The following TAF3 variants were observed in gnomAD, a reference collection of about 807,000 sequenced individuals.
TAF3 encodes transcription initiation factor TFIID subunit 3.
Under a neutral mutation model 80.6 loss-of-function variants are expected in TAF3, and 7 were observed. The ratio of observed to expected loss-of-function variants is 0.09; its 90% CI spans 0.05 to 0.16. The LOEUF (loss-of-function observed/expected upper bound fraction) is 0.16. Ranked by LOEUF, TAF3 falls within the 10% of genes least tolerant of loss-of-function variation. The probability of loss-of-function intolerance (pLI) is 1.00; values close to 1 mark genes in which losing one functional copy is unlikely to be tolerated. For missense variants in TAF3, 921 were observed against 1,140.2 expected, an observed-to-expected ratio of 0.81 and a Z score of 2.77; for synonymous variants, 444 against 446.1, an observed-to-expected ratio of 1.00 and a Z score of 0.06.
intron 2 of TAF3, among the ~76,000 whole-genome samples, chr10:7,935,686 G>A (rs1377674486): frequency 6.6e-6 from 1 of 152,202 alleles, no homozygotes; most frequent in Admixed American, 6.5e-5. Context: ...GCTCTGATAA[G>A]TGAGAATTAA....
At chr10:7,994,479 C>T (rs1831865165) in intron 4 of TAF3, among the ~76,000 whole-genome samples, 1 of 152,042 alleles carries the variant, frequency 6.6e-6, no homozygotes, top group Non-Finnish European at 1.5e-5. Flanking sequence ...ATACTGTTTC[C>T]AGTTCAGATT....
chr10:7,821,268 T>C (rs1387190041), intron 1 of TAF3, among the ~76,000 whole-genome samples: 1 of 152,190 alleles, frequency 6.6e-6, no homozygotes, highest in Admixed American at 6.5e-5. Context: ...TATTTTTAGA[T>C]TCTTTTTTCT....
intron 2 of TAF3, among the ~76,000 whole-genome samples, chr10:7,850,102 C>A (rs930582955): frequency 1.3e-5 from 2 of 152,186 alleles, no homozygotes; most frequent in African/African-American, 4.8e-5. Flanking sequence ...CCTGATAAGT[C>A]CTCTCTGTCT....
At chr10:7,860,869 G>A (rs1003930578) in intron 2 of TAF3, among the ~76,000 whole-genome samples, 36 of 148,014 alleles carry the variant, frequency 2.4e-4, no homozygotes, top group Non-Finnish European at 4.6e-4. Flanking sequence ...GTGTGATCTC[G>A]GGTCGCTGCA....
chr10:7,905,345 A>G (rs1837598147), intron 2 of TAF3, among the ~76,000 whole-genome samples: 1 of 152,180 alleles, frequency 6.6e-6, no homozygotes, highest in Admixed American at 6.5e-5. Context: ...TTGACATTAG[A>G]GTTTTTCTTA....
intron 2 of TAF3, among the ~76,000 whole-genome samples, chr10:7,960,075 C>T (rs1484770544): frequency 6.6e-6 from 1 of 152,202 alleles, no homozygotes; most frequent in Non-Finnish European, 1.5e-5. Flanking sequence ...ACTCTAAAGA[C>T]CCGTTATCCT....
At chr10:7,980,411 A>G (rs1831715681) in intron 4 of TAF3, among the ~76,000 whole-genome samples, 1 of 152,212 alleles carries the variant, frequency 6.6e-6, no homozygotes, top group South Asian at 2.1e-4. Flanking sequence ...TTGAAGCAAG[A>G]CAGGAATAAC....
At chr10:7,818,912 C>T (rs1328940284) in intron 1 of TAF3, 37 bp downstream of exon 1, 12 of 1,371,244 alleles carry the variant, frequency 8.8e-6, no homozygotes, top group African/African-American at 1.5e-5. Context: ...GCTGCCCCGG[C>T]AAGTCAAGGG....
At chr10:7,931,392 A>G (rs1370353110) in intron 2 of TAF3, among the ~76,000 whole-genome samples, 2 of 152,186 alleles carry the variant, frequency 1.3e-5, no homozygotes, top group Admixed American at 1.3e-4. Context: ...GAAATTCATT[A>G]TGACAGAGTC....
chr10:7,864,546 T>G (rs1277325194), intron 2 of TAF3, among the ~76,000 whole-genome samples: 3 of 152,240 alleles, frequency 2.0e-5, no homozygotes, highest in Non-Finnish European at 2.9e-5. Flanking sequence ...TCCTCCTATC[T>G]AAGCGTAATA....
chr10:7,934,969 A>G (rs1416730612), intron 2 of TAF3, among the ~76,000 whole-genome samples: 1 of 152,140 alleles, frequency 6.6e-6, no homozygotes, highest in Non-Finnish European at 1.5e-5. Flanking sequence ...ACATAAAACA[A>G]TAAATATTAA....
chr10:7,956,274 G>C (rs1460838059), intron 2 of TAF3, among the ~76,000 whole-genome samples: 2 of 152,120 alleles, frequency 1.3e-5, no homozygotes, highest in East Asian at 1.9e-4. Flanking sequence ...CAGATCACGA[G>C]GTCAGGAGTT....
chr10:7,882,780 C>G (rs186053558), intron 2 of TAF3, among the ~76,000 whole-genome samples: 6 of 152,120 alleles, frequency 3.9e-5, no homozygotes, highest in African/African-American at 1.4e-4. Context: ...TACACCTGGG[C>G]TTTATTTTTT....
chr10:7,965,450 T>C lies in TAF3; in HGVS notation c.1940T>C (p.Met647Thr). The C allele has an allele frequency of 6.2e-7, 1 of 1,613,502 alleles. No individual in the cohort carries two copies. Among genetic ancestry groups the C allele is most frequent in the Non-Finnish European group, 8.5e-7 (1 of 1,179,900 alleles). The change falls in exon 3 of 7, where the codon ATG (methionine) becomes ACG (threonine). Residue 647 changes from methionine (M) to threonine (T), a missense_variant. Around this residue, in one of 6 missense-constraint regions of TAF3, gnomAD observed 743 missense variants for 821.0 expected, o/e 0.90. Coordinates refer to ENST00000344293, the MANE Select transcript of TAF3 (RefSeq NM_031923.4). ...AAAGATAAAGGCAGAGAAGATAAGA[T>C]GAAAGCCCCAGCACCCCCACTGGTG... is the stretch of plus-strand genomic sequence containing the variant. ...KVKDKGREDKMKAPAPPLVLP... is the reference protein window; with the variant it reads ...KVKDKGREDKTKAPAPPLVLP...
At chr10:7,930,139 C>CA (rs539221744) in intron 2 of TAF3, among the ~76,000 whole-genome samples, 7 of 152,274 alleles carry the variant, frequency 4.6e-5, no homozygotes, top group Admixed American at 4.6e-4. Flanking sequence ...GTCAAGACTG[C>CA]AGTGAACCGT....
At chr10:7,963,038 T>C (rs1472513314) in intron 2 of TAF3, among the ~76,000 whole-genome samples, 1 of 152,214 alleles carries the variant, frequency 6.6e-6, no homozygotes, top group Non-Finnish European at 1.5e-5. Context: ...CTGGTTGCTC[T>C]CTAGTGCCGT....
At chr10:7,858,215 G>T (rs1837102602) in intron 2 of TAF3, among the ~76,000 whole-genome samples, 1 of 152,112 alleles carries the variant, frequency 6.6e-6, no homozygotes, top group African/African-American at 2.4e-5. Context: ...TTTTCCCAGA[G>T]AATTTTTGTG....
chr10:7,983,757 T>C (rs1230086725), intron 4 of TAF3, among the ~76,000 whole-genome samples: 2 of 152,170 alleles, frequency 1.3e-5, no homozygotes, highest in African/African-American at 4.8e-5. Context: ...GAGGATTGAT[T>C]GAGCCTGGGA....
chr10:7,924,312 G>A (rs542361415), intron 2 of TAF3, among the ~76,000 whole-genome samples: 19 of 152,294 alleles, frequency 1.2e-4, no homozygotes, highest in African/African-American at 3.8e-4. Context: ...GAAAGAAAGC[G>A]GTGGTTCTCT....
Sources: allele counts gnomAD v4.1 joint callset (sites outside exome capture counted in the v4.1 genomes callset), GRCh38; gene constraint gnomAD v4.1.1; regional missense constraint gnomAD v4.1.1; transcripts MANE v1.5; gene names NCBI Gene and HGNC (gene_info 2026-07-23, HGNC 2026-07-21).